Variants in FOXP2 observed in about 807,000 individuals in gnomAD.
The protein encoded by FOXP2 is forkhead box P2, also known as forkhead box protein P2.
A neutral mutation model predicts 115.8 loss-of-function variants in FOXP2; 12 were observed. That is an observed-to-expected ratio of 0.10 (90% CI 0.07 to 0.17). FOXP2 has a LOEUF of 0.17. Ranked by LOEUF, FOXP2 falls within the 10% of genes least tolerant of loss-of-function variation. The pLI is 1.00. For missense variants in FOXP2, 629 were observed against 843.5 expected (o/e 0.75, Z 3.15); for synonymous variants, 328 against 297.7 (o/e 1.10, Z -1.05).
At chr7:114,484,379 T>C (rs771987745) in intron 2 of FOXP2, among the ~76,000 whole-genome samples, 2 of 151,872 alleles carry the variant, frequency 1.3e-5, no homozygotes, top group Non-Finnish European at 3.0e-5. Flanking sequence ...CTTAACCTTT[T>C]AGTGCATGAT....
chr7:114,261,270 C>T (rs992621948), intron 1 of FOXP2, among the ~76,000 whole-genome samples: 5 of 152,294 alleles, frequency 3.3e-5, no homozygotes, highest in African/African-American at 1.2e-4. Context: ...CTGACATGAA[C>T]TCACTAATAA....
chr7:114,515,450 G>T (rs905893330), intron 2 of FOXP2, among the ~76,000 whole-genome samples: 3 of 151,828 alleles, frequency 2.0e-5, no homozygotes, highest in Admixed American at 1.3e-4. Flanking sequence ...GTTTTGATTT[G>T]CATTTCTCTG....
chr7:114,301,647 A>G (rs1796882131), intron 2 of FOXP2, among the ~76,000 whole-genome samples: 1 of 152,146 alleles, frequency 6.6e-6, no homozygotes, highest in Non-Finnish European at 1.5e-5. Context: ...AATGATATAA[A>G]TGAAAAGGGC....
chr7:114,102,389 A>C (rs1436203866), intron 1 of FOXP2, among the ~76,000 whole-genome samples: 1 of 151,950 alleles, frequency 6.6e-6, no homozygotes, highest in African/African-American at 2.4e-5. Flanking sequence ...CTCTATAGTA[A>C]ATGATATAGG....
chr7:114,337,377 G>T (rs1308510287), intron 2 of FOXP2, among the ~76,000 whole-genome samples: 1 of 151,036 alleles, frequency 6.6e-6, no homozygotes, highest in Non-Finnish European at 1.5e-5. Flanking sequence ...ACGTTTTATT[G>T]TTCTCAATAT....
chr7:114,275,441 C>A (rs1796164193), intron 1 of FOXP2, among the ~76,000 whole-genome samples: 1 of 152,154 alleles, frequency 6.6e-6, no homozygotes, highest in African/African-American at 2.4e-5. Context: ...ATCCAGTTTA[C>A]CAATAAGTTG....
chr7:114,096,433 T>C (rs1799653631), intron 1 of FOXP2, among the ~76,000 whole-genome samples: 1 of 152,206 alleles, frequency 6.6e-6, no homozygotes, highest in African/African-American at 2.4e-5. Flanking sequence ...TTTTATCCCT[T>C]CTAACTTTGC....
At chr7:114,643,323 A>T (rs1449660084) in intron 7 of FOXP2, among the ~76,000 whole-genome samples, 1 of 152,160 alleles carries the variant, frequency 6.6e-6, no homozygotes, top group Non-Finnish European at 1.5e-5. Flanking sequence ...AGATGCATGG[A>T]TATCTCTCTT....
intron 2 of FOXP2, among the ~76,000 whole-genome samples, chr7:114,491,782 G>A (rs1223503063): frequency 6.6e-6 from 1 of 152,162 alleles, no homozygotes; most frequent in African/African-American, 2.4e-5. Context: ...TGGTGGATAA[G>A]CTTTTTGATG....
Position 114,264,132 on chromosome 7 carries a change from A to G in FOXP2, c.-101-23887A>G, listed in dbSNP as rs111867377. Among the ~76,000 whole-genome samples the G allele has an allele frequency of 1.1e-3, 168 of 152,162 alleles. 1 individual carries two copies. Among genetic ancestry groups the G allele is most frequent in the African/African-American group, 3.8e-3 (158 of 41,538 alleles). On this transcript the variant is annotated intron_variant, in intron 1 of 17. Coordinates refer to the FOXP2 transcript ENST00000634411. ...AAAACTCTTTAATACTTATATTAAT[A>G]TGTTATTTGCCTTACTTCTCTTCAC...
intron 2 of FOXP2, among the ~76,000 whole-genome samples, chr7:114,486,671 A>T (rs542117422): frequency 2.0e-5 from 3 of 152,352 alleles, no homozygotes; most frequent in South Asian, 4.1e-4. Flanking sequence ...TACAATAGGG[A>T]TACAAGCATT....
intron 2 of FOXP2, among the ~76,000 whole-genome samples, chr7:114,400,053 T>G (rs574518678): frequency 2.6e-4 from 40 of 151,502 alleles, no homozygotes; most frequent in African/African-American, 9.0e-4. Flanking sequence ...GACGGGGGGG[T>G]TTCACCATCT....
intron 2 of FOXP2, among the ~76,000 whole-genome samples, chr7:114,299,184 A>G (rs1472015742): frequency 1.3e-5 from 2 of 152,134 alleles, no homozygotes; most frequent in African/African-American, 4.8e-5. Flanking sequence ...ATCATTCAAG[A>G]TGCTTTTGTG....
At chr7:114,641,744 A>G (rs1457434366) in intron 6 of FOXP2, among the ~76,000 whole-genome samples, 1 of 151,322 alleles carries the variant, frequency 6.6e-6, no homozygotes, top group East Asian at 1.9e-4. Context: ...GGTAAAAACT[A>G]CTCTTAAAAG....
intron 10 of FOXP2, chr7:114,656,410 T>C (rs958135660): frequency 2.5e-5 from 9 of 353,048 alleles, no homozygotes; most frequent in African/African-American, 1.9e-4. Context: ...ATAACATTGT[T>C]ATGTATATGT....
intron 8 of FOXP2, among the ~76,000 whole-genome samples, chr7:114,650,966 T>C (rs894076307): frequency 9.2e-5 from 14 of 152,082 alleles, no homozygotes; most frequent in African/African-American, 3.4e-4. Flanking sequence ...ATAAACCTTT[T>C]GTTTATAATA....
chr7:114,633,507 A>G (rs933183826), intron 6 of FOXP2, among the ~76,000 whole-genome samples: 1 of 152,202 alleles, frequency 6.6e-6, no homozygotes, highest in Non-Finnish European at 1.5e-5. Flanking sequence ...AAAAAAGATG[A>G]AATCACTCAA....
chr7:114,283,088 G>T (rs1240105137), intron 1 of FOXP2, among the ~76,000 whole-genome samples: 1 of 152,076 alleles, frequency 6.6e-6, no homozygotes, highest in African/African-American at 2.4e-5. Flanking sequence ...TGAGTTTGTT[G>T]CCTTGACAGA....
intron 3 of FOXP2, among the ~76,000 whole-genome samples, chr7:114,554,594 T>C (rs923691030): frequency 1.3e-5 from 2 of 152,142 alleles, no homozygotes; most frequent in African/African-American, 4.8e-5. Flanking sequence ...AAATTTAAGT[T>C]GATTCTGGAC....
Sources: gnomAD v4.1 joint callset for allele counts (sites outside exome capture counted in the v4.1 genomes callset) on GRCh38, gnomAD v4.1.1 for gene constraint, MANE v1.5 for transcripts, NCBI Gene and HGNC (gene_info 2026-07-23, HGNC 2026-07-21) for gene names.